The following GALNT13 variants were observed in gnomAD, a reference collection of about 807,000 sequenced individuals.
GALNT13 encodes polypeptide N-acetylgalactosaminyltransferase 13.
GALNT13 carries 28 observed loss-of-function variants against 64.2 expected under a neutral mutation model. The ratio of observed to expected loss-of-function variants is 0.44; its 90% CI spans 0.32 to 0.60. The LOEUF is 0.60. Ranked by LOEUF, GALNT13 falls within the 20% of genes least tolerant of loss-of-function variation. The pLI, the probability that GALNT13 is intolerant of heterozygous loss-of-function variation, is 0.05. For synonymous variants in GALNT13, 214 were observed against 224.6 expected, an observed-to-expected ratio of 0.95 and a Z score of 0.42; for missense variants, 577 against 669.8, an observed-to-expected ratio of 0.86 and a Z score of 1.53.
the GALNT13 span, among the ~76,000 whole-genome samples, chr2:153,727,526 G>A: frequency 6.6e-6 from 1 of 152,214 alleles, no homozygotes; most frequent in East Asian, 1.9e-4. Context: ...GTCATCTTTA[G>A]TAGCAACTGT....
intron 1 of GALNT13, among the ~76,000 whole-genome samples, chr2:153,894,198 G>A (rs559573511): frequency 6.6e-6 from 1 of 152,074 alleles, no homozygotes; most frequent in East Asian, 1.9e-4. Context: ...GAAACAAAGG[G>A]AACAAAGAAT....
Position 153,983,075 on chromosome 2 carries a change from G to A in GALNT13, c.142+38436G>A, listed in dbSNP as rs183356957. 2.0e-5 allele frequency among the ~76,000 whole-genome samples: 3 copies of A among 151,990 alleles called. No individual in the cohort carries two copies. In the East Asian group the frequency reaches 5.8e-4, roughly 29 times the overall value. On this transcript the variant is annotated intron_variant, in intron 3 of 12. Coordinates refer to ENST00000392825, the MANE Select transcript of GALNT13 (RefSeq NM_052917.4). ...TTAATTTATCAGAAAACTAAAAAGC[G>A]ATATTGAAATAAGTCTATTCTGTTT...
chr2:153,818,540 T>TC, the GALNT13 span, among the ~76,000 whole-genome samples: 1 of 152,174 alleles, frequency 6.6e-6, no homozygotes, highest in Non-Finnish European at 1.5e-5. Flanking sequence ...CAGGCAGGGC[T>TC]CGTAGGCTTG....
At chr2:153,226,736 C>T in the GALNT13 span, among the ~76,000 whole-genome samples, 1 of 152,146 alleles carries the variant, frequency 6.6e-6, no homozygotes, top group Admixed American at 6.5e-5. Flanking sequence ...TGTAATGTGG[C>T]ATCCTGATAT....
chr2:153,115,855 C>A, the GALNT13 span, among the ~76,000 whole-genome samples: 1 of 152,166 alleles, frequency 6.6e-6, no homozygotes, highest in African/African-American at 2.4e-5. Flanking sequence ...GACTCCTTTT[C>A]TGTGAACCAA....
At chr2:153,261,263 G>A in the GALNT13 span, among the ~76,000 whole-genome samples, 2 of 152,046 alleles carry the variant, frequency 1.3e-5, no homozygotes, top group South Asian at 2.1e-4. Context: ...TGATGCTTAT[G>A]GATGTTTGGC....
chr2:153,987,998 T>G (rs2105178921), intron 3 of GALNT13, among the ~76,000 whole-genome samples: 1 of 151,876 alleles, frequency 6.6e-6, no homozygotes, highest in Non-Finnish European at 1.5e-5. Context: ...TTTTAAAAAC[T>G]ATTTTTAAAT....
At chr2:154,235,411 G>T (rs577381707) in intron 4 of GALNT13, among the ~76,000 whole-genome samples, 132 of 152,202 alleles carry the variant, frequency 8.7e-4, no homozygotes, top group South Asian at 5.2e-3. Flanking sequence ...GCCCCAAGCT[G>T]CTCAATTATT....
the GALNT13 span, among the ~76,000 whole-genome samples, chr2:153,750,555 G>A: frequency 2.0e-5 from 3 of 151,580 alleles, no homozygotes; most frequent in Non-Finnish European, 4.4e-5. Flanking sequence ...GTCTTTGTAC[G>A]TTGTATGTGT....
intron 2 of GALNT13, among the ~76,000 whole-genome samples, chr2:153,906,963 T>C (rs1485431455): frequency 1.3e-5 from 2 of 151,926 alleles, no homozygotes; most frequent in Non-Finnish European, 2.9e-5. Context: ...TGGTATCTCA[T>C]TGTGGTTTTG....
At position 154,308,299 on chromosome 2, in the gene GALNT13, G is replaced by GA. The variant is rs200625661; in HGVS notation, c.1156+6715dup. ...TCGTTAACCTTTTAAAAATGCTTAA[G>GA]AAAAATCAACTCACCAAAGGCAGCC... On this transcript the variant is annotated intron_variant, in intron 9 of 12. Coordinates refer to ENST00000392825, the MANE Select transcript of GALNT13 (RefSeq NM_052917.4). Among the ~76,000 whole-genome samples, 597 of 152,152 alleles carry GA rather than the reference G, an allele frequency of 3.9e-3. 4 individuals carry two copies. The highest frequency in any genetic ancestry group is 0.014 in the African/African-American group (569 of 41,530).
intron 9 of GALNT13, among the ~76,000 whole-genome samples, chr2:154,388,157 C>A (rs1698604787): frequency 1.3e-5 from 2 of 152,122 alleles, no homozygotes; most frequent in African/African-American, 2.4e-5. Context: ...TTTGCACTTT[C>A]CTAATGATTA....
intron 3 of GALNT13, among the ~76,000 whole-genome samples, chr2:154,020,711 C>A (rs1697396530): frequency 6.7e-6 from 1 of 150,170 alleles, no homozygotes; most frequent in South Asian, 2.1e-4. Flanking sequence ...TTAATTAGAT[C>A]CCATTTGTCA....
At chr2:153,292,345 C>T in the GALNT13 span, among the ~76,000 whole-genome samples, 2 of 152,138 alleles carry the variant, frequency 1.3e-5, no homozygotes, top group African/African-American at 4.8e-5. Flanking sequence ...TAATTCAACA[C>T]ATTTACTAAG....
the GALNT13 span, among the ~76,000 whole-genome samples, chr2:153,689,486 C>T: frequency 1.2e-4 from 18 of 151,704 alleles, no homozygotes; most frequent in Admixed American, 9.2e-4. Context: ...TTAATAAATC[C>T]CGTTTAATAA....
At chr2:154,041,773 T>C (rs1326502531) in intron 3 of GALNT13, among the ~76,000 whole-genome samples, 1 of 140,698 alleles carries the variant, frequency 7.1e-6, no homozygotes, top group African/African-American at 2.4e-5. Context: ...ATTACCATGA[T>C]GTTGAAGACA....
chr2:153,839,728 A>AT, the GALNT13 span, among the ~76,000 whole-genome samples: 1 of 151,624 alleles, frequency 6.6e-6, no homozygotes, highest in Non-Finnish European at 1.5e-5. Flanking sequence ...ATACATTTGT[A>AT]TTTTTTTTAA....
chr2:153,496,132 G>C, the GALNT13 span, among the ~76,000 whole-genome samples: 1 of 152,202 alleles, frequency 6.6e-6, no homozygotes, highest in Admixed American at 6.5e-5. Context: ...CCAATGTTCA[G>C]ATTATATTTT....
chr2:153,259,050 A>T, the GALNT13 span, among the ~76,000 whole-genome samples: 1 of 152,172 alleles, frequency 6.6e-6, no homozygotes, highest in East Asian at 1.9e-4. Flanking sequence ...TGGAGTATTG[A>T]ATTTTCCAGC....
Sources: gnomAD v4.1 joint callset for allele counts (sites outside exome capture counted in the v4.1 genomes callset) on GRCh38, gnomAD v4.1.1 for gene constraint, MANE v1.5 for transcripts, NCBI Gene and HGNC (gene_info 2026-07-23, HGNC 2026-07-21) for gene names.